The following SGCD variants were observed in gnomAD, a reference collection of about 807,000 sequenced individuals.
The protein encoded by SGCD is delta-sarcoglycan.
A neutral mutation model predicts 36.6 loss-of-function variants in SGCD; 18 were observed. The observed-to-expected ratio is 0.49, with a 90% CI of 0.34 to 0.73. The LOEUF is 0.73. SGCD is among the 30% of genes least tolerant of loss of function. The pLI is 0.01. For synonymous variants in SGCD, 133 were observed against 130.6 expected (o/e 1.02, Z -0.12); for missense variants, 387 against 346.7 (o/e 1.12, Z -0.92).
At chr5:155,778,443 C>T in the SGCD span, among the ~76,000 whole-genome samples, 2 of 152,076 alleles carry the variant, frequency 1.3e-5, no homozygotes, top group Non-Finnish European at 2.9e-5. Context: ...GAGAATAAAA[C>T]CCAGAATTTC....
the SGCD span, among the ~76,000 whole-genome samples, chr5:155,731,819 T>C: frequency 6.6e-6 from 1 of 152,204 alleles, no homozygotes; most frequent in African/African-American, 2.4e-5. Flanking sequence ...CGGAATGTGC[T>C]ACTTTGAGTG....
At chr5:156,579,964 A>T (rs1760175085) in intron 4 of SGCD, among the ~76,000 whole-genome samples, 1 of 152,178 alleles carries the variant, frequency 6.6e-6, no homozygotes, top group South Asian at 2.1e-4. Flanking sequence ...TTATGATTTT[A>T]GCTGGATATT....
intron 3 of SGCD, among the ~76,000 whole-genome samples, chr5:156,349,631 T>C (rs1229769089): frequency 6.6e-6 from 1 of 152,158 alleles, no homozygotes; most frequent in Non-Finnish European, 1.5e-5. Context: ...GGAATATTTA[T>C]ATACTGCTGA....
chr5:156,694,691 C>G (rs919531571), intron 7 of SGCD, among the ~76,000 whole-genome samples: 4 of 152,056 alleles, frequency 2.6e-5, no homozygotes, highest in African/African-American at 9.7e-5. Context: ...TCTCCAAGAC[C>G]TAAAGACTTT....
At chr5:156,115,794 G>A (rs903285287) in intron 1 of SGCD, among the ~76,000 whole-genome samples, 9 of 152,094 alleles carry the variant, frequency 5.9e-5, no homozygotes, top group African/African-American at 2.2e-4. Context: ...CAGTCTCACA[G>A]TCTGGATGTT....
the SGCD span, among the ~76,000 whole-genome samples, chr5:155,847,712 G>GAGATAGAGA: frequency 6.6e-6 from 1 of 152,196 alleles, no homozygotes; most frequent in African/African-American, 2.4e-5. Context: ...AGGCGAAAGA[G>GAGATAGAGA]AGATAGAGAA....
intron 3 of SGCD, among the ~76,000 whole-genome samples, chr5:156,441,587 G>A (rs111796771): frequency 3.9e-5 from 6 of 152,108 alleles, no homozygotes; most frequent in African/African-American, 1.4e-4. Flanking sequence ...TTCTCTATTA[G>A]TGTGACTAAT....
At chr5:156,598,451 A>G (rs1761026996) in intron 6 of SGCD, among the ~76,000 whole-genome samples, 1 of 152,212 alleles carries the variant, frequency 6.6e-6, no homozygotes, top group Admixed American at 6.5e-5. Context: ...CTGAGGCAGG[A>G]GAATTGCTTG....
At chr5:156,129,674 T>C (rs1223969802) in intron 3 of SGCD, among the ~76,000 whole-genome samples, 2 of 152,200 alleles carry the variant, frequency 1.3e-5, no homozygotes, top group Admixed American at 6.5e-5. Flanking sequence ...CAGTGTCTGT[T>C]GTTCCCTTCT....
chr5:155,761,821 C>G, the SGCD span, among the ~76,000 whole-genome samples: 7 of 152,138 alleles, frequency 4.6e-5, no homozygotes, highest in Admixed American at 3.3e-4. Context: ...TCAACCTTTC[C>G]ATCACCTTCT....
At chr5:155,790,835 A>G in the SGCD span, among the ~76,000 whole-genome samples, 1 of 152,140 alleles carries the variant, frequency 6.6e-6, no homozygotes, top group East Asian at 1.9e-4. Flanking sequence ...TCTAAGTAGT[A>G]TTGTAAATTC....
chr5:156,741,156 G>A (rs1283563534), intron 7 of SGCD, among the ~76,000 whole-genome samples: 5 of 152,122 alleles, frequency 3.3e-5, no homozygotes, highest in Admixed American at 2.0e-4. Flanking sequence ...ATTCTCTAAG[G>A]ATGGAAACAC....
At chr5:156,459,043 A>T (rs1283233698) in intron 3 of SGCD, among the ~76,000 whole-genome samples, 1 of 152,170 alleles carries the variant, frequency 6.6e-6, no homozygotes, top group Non-Finnish European at 1.5e-5. Context: ...GAAACCATCT[A>T]AGAGTGCAGG....
intron 3 of SGCD, among the ~76,000 whole-genome samples, chr5:156,294,722 G>T (rs567237389): frequency 4.4e-4 from 67 of 152,158 alleles, no homozygotes; most frequent in Admixed American, 3.7e-3. Flanking sequence ...TGCTTTTTAT[G>T]TATCAGTTGA....
At chr5:156,259,517 A>G (rs771404166) in intron 3 of SGCD, among the ~76,000 whole-genome samples, 5 of 151,998 alleles carry the variant, frequency 3.3e-5, no homozygotes, top group African/African-American at 4.8e-5. Context: ...GCCTACCTAA[A>G]CATTGCAAAT....
intron 4 of SGCD, among the ~76,000 whole-genome samples, chr5:156,558,088 A>AATATATATAC (rs1759107482): frequency 1.0e-5 from 1 of 95,592 alleles, no homozygotes; most frequent in Non-Finnish European, 2.2e-5. Flanking sequence ...AGTAAATACA[A>AATATATATAC]ATATATATAT....
intron 3 of SGCD, among the ~76,000 whole-genome samples, chr5:156,502,319 T>A (rs1478066631): frequency 6.6e-6 from 1 of 152,154 alleles, no homozygotes; most frequent in Non-Finnish European, 1.5e-5. Flanking sequence ...GTGCTGGGAT[T>A]ACAGGCGTGA....
chr5:155,828,296 G>C, the SGCD span, among the ~76,000 whole-genome samples: 3 of 152,166 alleles, frequency 2.0e-5, no homozygotes, highest in Non-Finnish European at 2.9e-5. Flanking sequence ...GATCAGAGGA[G>C]TGAGACTTAG....
At chr5:156,318,175 T>A (rs1203823246) in intron 3 of SGCD, among the ~76,000 whole-genome samples, 1 of 152,184 alleles carries the variant, frequency 6.6e-6, no homozygotes, top group African/African-American at 2.4e-5. Context: ...TACAAATTTT[T>A]AAATTTAGCA....
Sources: gnomAD v4.1 joint callset for allele counts (sites outside exome capture counted in the v4.1 genomes callset) on GRCh38, gnomAD v4.1.1 for gene constraint, MANE v1.5 for transcripts, NCBI Gene and HGNC (gene_info 2026-07-23, HGNC 2026-07-21) for gene names.